Variants in NEK6 observed in about 807,000 individuals in gnomAD.
NEK6 encodes the protein NIMA related kinase 6.
In NEK6, 27 loss-of-function variants were observed where a neutral mutation model predicts 43.5. The ratio of observed to expected loss-of-function variants is 0.62; its 90% CI spans 0.46 to 0.86. The LOEUF is 0.86. NEK6 is among the 40% of genes least tolerant of loss of function. The pLI is 0.00. For missense variants in NEK6, 318 were observed against 414.4 expected, an observed-to-expected ratio of 0.77 and a Z score of 2.02; for synonymous variants, 167 against 164.1, an observed-to-expected ratio of 1.02 and a Z score of -0.14.
At chr9:124,334,981 C>G (rs1441316885) in intron 7 of NEK6, among the ~76,000 whole-genome samples, 1 of 152,166 alleles carries the variant, frequency 6.6e-6, no homozygotes, top group East Asian at 1.9e-4. Flanking sequence ...GGGGCTTGGC[C>G]AGGGGTCTGA....
chr9:124,314,452 TTTTC>T lies in NEK6; in HGVS notation c.294+471_294+474del, dbSNP rs556979839. ...CTCTTTCCATCTCTCCTCTCAGCCT[TTTTC>T]TTTGGTTTTGTTGGTAGTGGTGGTG... is the stretch of plus-strand genomic sequence containing the variant. On this transcript the variant is annotated intron_variant, in intron 4 of 9. Transcript: ENST00000320246. Among the ~76,000 whole-genome samples, 393 of 151,876 alleles carry T rather than the reference TTTTC, an allele frequency of 2.6e-3. 2 individuals carry two copies. The highest frequency in any genetic ancestry group is 9.1e-3 in the African/African-American group (375 of 41,436).
At chr9:124,311,112 C>A (rs972224815) in intron 2 of NEK6, among the ~76,000 whole-genome samples, 1 of 152,136 alleles carries the variant, frequency 6.6e-6, no homozygotes, top group African/African-American at 2.4e-5. Flanking sequence ...GCTGGTCCGG[C>A]CAGCAGTTCC....
At chr9:124,282,433 C>T (rs1178701173) in intron 1 of NEK6, among the ~76,000 whole-genome samples, 1 of 152,262 alleles carries the variant, frequency 6.6e-6, no homozygotes. Flanking sequence ...TGATTAGTAT[C>T]TCCAAGTAAG....
At chr9:124,281,133 C>T (rs924669394) in intron 1 of NEK6, among the ~76,000 whole-genome samples, 3 of 152,246 alleles carry the variant, frequency 2.0e-5, no homozygotes, top group Non-Finnish European at 2.9e-5. Context: ...TTTTCTTCCT[C>T]ACCAGCAGGC....
At chr9:124,332,602 C>T (rs1829061915) in intron 7 of NEK6, among the ~76,000 whole-genome samples, 2 of 152,234 alleles carry the variant, frequency 1.3e-5, no homozygotes, top group Non-Finnish European at 2.9e-5. Context: ...AGCTGCTTTC[C>T]AATCCACCAT....
At chr9:124,340,254 G>A (rs1479577478) in intron 8 of NEK6, among the ~76,000 whole-genome samples, 7 of 152,208 alleles carry the variant, frequency 4.6e-5, no homozygotes, top group African/African-American at 1.7e-4. Context: ...GCCCAGACGT[G>A]AGACAATAAG....
chr9:124,264,283 G>A (rs1470268928), intron 1 of NEK6, among the ~76,000 whole-genome samples: 1 of 152,208 alleles, frequency 6.6e-6, no homozygotes, highest in East Asian at 1.9e-4. Flanking sequence ...TGTAGTCTGT[G>A]TGGTGGGAGA....
At chr9:124,297,653 A>G (rs1355702980) in intron 1 of NEK6, among the ~76,000 whole-genome samples, 2 of 152,218 alleles carry the variant, frequency 1.3e-5, no homozygotes, top group African/African-American at 2.4e-5. Context: ...GGTGGTGTTC[A>G]GTGTGGCCTG....
chr9:124,284,240 T>G (rs1396988732), intron 1 of NEK6, among the ~76,000 whole-genome samples: 1 of 152,192 alleles, frequency 6.6e-6, no homozygotes, highest in Non-Finnish European at 1.5e-5. Context: ...TCCCAGCTAC[T>G]TGGGAGGCTG....
chr9:124,330,298 G>GT (rs1828907984), intron 7 of NEK6, among the ~76,000 whole-genome samples: 1 of 152,254 alleles, frequency 6.6e-6, no homozygotes, highest in South Asian at 2.1e-4. Flanking sequence ...TAAAAATTAA[G>GT]TGACAGTACA....
intron 6 of NEK6, 120 bp from the exon 7 acceptor site, chr9:124,327,218 G>A: frequency 1.3e-6 from 1 of 777,208 alleles, no homozygotes; most frequent in Non-Finnish European, 2.2e-6. Flanking sequence ...CCAGGACAGG[G>A]CCTTGCCCTG....
rs768351064 is a variant in NEK6 at position 124,275,464 on chromosome 9, G to A, written c.-30+17379G>A. Among the ~76,000 whole-genome samples the A allele has an allele frequency of 1.2e-4, 18 of 152,188 alleles. No homozygotes were observed. The highest frequency in any genetic ancestry group is 2.2e-4 in the Non-Finnish European group (15 of 68,026). ...GTGTCAGCTCCAGCTGCCTGCCCCC[G>A]CCTGCCGGGCCCTGTCCTCTGCCAG... On this transcript the variant is annotated intron_variant, in intron 1 of 9. Transcript: ENST00000320246. The surrounding 1 kb of genome is among the most constrained non-coding windows in gnomAD (Gnocchi z 4.4).
At chr9:124,269,564 G>A (rs978610168) in intron 1 of NEK6, among the ~76,000 whole-genome samples, 3 of 151,892 alleles carry the variant, frequency 2.0e-5, no homozygotes, top group Non-Finnish European at 2.9e-5. Flanking sequence ...TTTTAGTAGA[G>A]ATGGGTTTCA....
At chr9:124,315,780 G>A (rs1364439807) in intron 4 of NEK6, among the ~76,000 whole-genome samples, 1 of 152,320 alleles carries the variant, frequency 6.6e-6, no homozygotes, top group East Asian at 1.9e-4. Flanking sequence ...AGGGGATTTG[G>A]TCCCTTCTCC....
chr9:124,264,015 G>A (rs1287565005), intron 1 of NEK6, among the ~76,000 whole-genome samples: 1 of 152,232 alleles, frequency 6.6e-6, no homozygotes, highest in Non-Finnish European at 1.5e-5. Context: ...AGAGGACTGC[G>A]CTGACAGGAG....
intron 8 of NEK6, among the ~76,000 whole-genome samples, chr9:124,340,272 G>A (rs528780174): frequency 6.6e-6 from 1 of 152,332 alleles, no homozygotes; most frequent in South Asian, 2.1e-4. Flanking sequence ...AAGAATAAAT[G>A]GAAGCCCCCC....
chr9:124,323,393 A>G (rs1216314712), intron 5 of NEK6, among the ~76,000 whole-genome samples: 1 of 152,216 alleles, frequency 6.6e-6, no homozygotes, highest in Non-Finnish European at 1.5e-5. Context: ...CCAGGCCCTA[A>G]GGTCAGAGAA....
chr9:124,303,011 G>A (rs563050083), intron 2 of NEK6, among the ~76,000 whole-genome samples: 2 of 152,260 alleles, frequency 1.3e-5, no homozygotes, highest in South Asian at 2.1e-4. Flanking sequence ...GGAGCACACA[G>A]CCTCATGGGA....
chr9:124,350,506 A>AG (rs1830205371), intron 9 of NEK6, among the ~76,000 whole-genome samples: 3 of 910 alleles, frequency 3.3e-3, no homozygotes, highest in Non-Finnish European at 4.6e-3. Context: ...CAGCAGACAC[A>AG]CACACACACA....
Sources: gnomAD v4.1 joint callset for allele counts (sites outside exome capture counted in the v4.1 genomes callset) on GRCh38, gnomAD v4.1.1 for gene constraint, Gnocchi (gnomAD v3.1) non-coding constraint, MANE v1.5 for transcripts, NCBI Gene and HGNC (gene_info 2026-07-23, HGNC 2026-07-21) for gene names.